Variants in TRPC7 observed in about 807,000 individuals in gnomAD.
The protein encoded by TRPC7 is transient receptor potential cation channel subfamily C member 7.
A neutral mutation model predicts 90.1 loss-of-function variants in TRPC7; 42 were observed. The observed-to-expected ratio is 0.47, with a 90% confidence interval of 0.36 to 0.60. The LOEUF (loss-of-function observed/expected upper bound fraction) is 0.60, where lower values mean the gene tolerates loss of function less well. Among genes scored for constraint, TRPC7 ranks in the 20% least tolerant of loss-of-function variants. TRPC7 has a pLI of 0.00. For missense variants in TRPC7, 955 were observed against 1,112.3 expected (o/e 0.86, Z 2.01); for synonymous variants, 451 against 436.3 (o/e 1.03, Z -0.42).
chr5:136,319,508 ACTACT>A (rs1444243743), intron 2 of TRPC7, among the ~76,000 whole-genome samples: 1 of 152,094 alleles, frequency 6.6e-6, no homozygotes, highest in African/African-American at 2.4e-5. Context: ...CCCTTCAATG[ACTACT>A]CTAATTTTCT....
At chr5:136,337,439 G>A (rs928808117) in intron 2 of TRPC7, among the ~76,000 whole-genome samples, 35 of 152,168 alleles carry the variant, frequency 2.3e-4, no homozygotes, top group Non-Finnish European at 4.1e-4. Flanking sequence ...AAGCCAAGGT[G>A]GGCGGATCCT....
chr5:136,351,194 G>A (rs558363646), intron 2 of TRPC7, among the ~76,000 whole-genome samples: 51 of 152,166 alleles, frequency 3.4e-4, no homozygotes, highest in Non-Finnish European at 6.9e-4. Context: ...ATGTGGAACC[G>A]TGGATAGATA....
Position 136,255,513 on chromosome 5 carries a change from T to C in TRPC7, c.1346-3631A>G, listed in dbSNP as rs79546839. 7.5e-3 allele frequency among the ~76,000 whole-genome samples: 1,135 copies of C among 152,330 alleles called. 19 individuals carry two copies. The highest frequency in any genetic ancestry group is 0.026 in the African/African-American group (1,092 of 41,560). ...CTCACTTTTTTTAGACATGATGCTG[T>C]TGCACGTTTAATAGACCACAGTATA... On this transcript the variant is annotated intron_variant, in intron 5 of 11. Coordinates refer to ENST00000513104, the MANE Select transcript of TRPC7 (RefSeq NM_020389.3).
chr5:136,285,451 C>T (rs1580900146), intron 3 of TRPC7, among the ~76,000 whole-genome samples: 1 of 152,308 alleles, frequency 6.6e-6, no homozygotes, highest in African/African-American at 2.4e-5. Flanking sequence ...GTCCAGTATT[C>T]TGTTTGCAGC....
At chr5:136,352,388 T>C (rs1760219957) in intron 2 of TRPC7, among the ~76,000 whole-genome samples, 1 of 152,084 alleles carries the variant, frequency 6.6e-6, no homozygotes, top group Non-Finnish European at 1.5e-5. Flanking sequence ...ATAAAATGCA[T>C]AGACAAAATG....
chr5:136,304,946 A>G (rs913289955), intron 3 of TRPC7, among the ~76,000 whole-genome samples: 3 of 152,210 alleles, frequency 2.0e-5, no homozygotes, highest in Non-Finnish European at 4.4e-5. Context: ...CCTAGCCCTC[A>G]TGTCTGCGTA....
chr5:136,296,566 G>A (rs1758179056), intron 3 of TRPC7, among the ~76,000 whole-genome samples: 1 of 152,108 alleles, frequency 6.6e-6, no homozygotes, highest in Non-Finnish European at 1.5e-5. Context: ...TCTCATGCTA[G>A]CATCAACAAA....
At chr5:136,264,259 T>G (rs1756953756) in intron 5 of TRPC7, among the ~76,000 whole-genome samples, 1 of 152,170 alleles carries the variant, frequency 6.6e-6, no homozygotes, top group South Asian at 2.1e-4. Context: ...GTTCCATTAA[T>G]AGCAGCCACA....
At position 136,247,876 on chromosome 5, in the gene TRPC7, G is replaced by C; in HGVS notation, c.1580-141C>G. ...CTTAAATTAATCCCAATATCCAGAAGTTGCCACCCTCCCTCTTGGAATGTG... is the reference window on the plus strand; with the variant it reads ...CTTAAATTAATCCCAATATCCAGAACTTGCCACCCTCCCTCTTGGAATGTG... On this transcript the variant is annotated intron_variant, in intron 6 of 11. Transcript: ENST00000513104. The surrounding 1 kb of genome is among the most constrained non-coding windows in gnomAD (Gnocchi z 4.2). 9.7e-7 allele frequency: 1 copy of C among 1,029,484 alleles called. No homozygotes were observed. Among genetic ancestry groups the C allele is most frequent in the South Asian group, 1.7e-5 (1 of 58,692 alleles). The allele number at this position is 1,029,484 out of a possible 1,614,324, so 63.8% of individuals were successfully genotyped here.
At chr5:136,288,542 A>G (rs1757812916) in intron 3 of TRPC7, among the ~76,000 whole-genome samples, 1 of 151,928 alleles carries the variant, frequency 6.6e-6, no homozygotes. Context: ...GAATTTGTCC[A>G]GTACTTACTA....
chr5:136,225,151 T>G, intron 10 of TRPC7, 123 bp downstream of exon 10: 1 of 838,454 alleles, frequency 1.2e-6, no homozygotes, highest in Non-Finnish European at 1.9e-6. Flanking sequence ...CAATAAATAT[T>G]TGTACAATAA....
At position 136,355,804 on chromosome 5, in the gene TRPC7, G is replaced by GA. The variant is rs200907040; in HGVS notation, c.780+803dup. 2.5e-3 allele frequency among the ~76,000 whole-genome samples: 381 copies of GA among 150,616 alleles called. 2 individuals carry two copies. The highest frequency in any genetic ancestry group is 4.4e-3 in the Admixed American group (67 of 15,176). On this transcript the variant is annotated intron_variant, in intron 2 of 11. Transcript: ENST00000513104. ...CAGTGCAAGACTCTGCCTCAAAAAG[G>GA]AAAAAAAAATTGCTCTTATTATTAT... is the stretch of plus-strand genomic sequence containing the variant.
At chr5:136,314,750 A>G (rs1230464435) in intron 3 of TRPC7, among the ~76,000 whole-genome samples, 1 of 152,210 alleles carries the variant, frequency 6.6e-6, no homozygotes, top group Non-Finnish European at 1.5e-5. Flanking sequence ...TTCAGTTTTG[A>G]TCAGGTGAAA....
In TRPC7 at chr5:136,315,592, C is replaced by T; in HGVS notation, c.963+5G>A. 1 of 1,613,412 alleles carries T rather than the reference C, an allele frequency of 6.2e-7. No individual in the cohort carries two copies. The stretch of plus-strand genomic sequence containing the variant: ...GGGAAGACCAGGAGAGATGGGGGAG[C>T]TTACCTTCTTGACTTCATATTTAAT... On this transcript the variant is annotated splice_donor_5th_base_variant and intron_variant, in intron 3 of 11. Transcript: ENST00000513104.
Position 136,329,533 on chromosome 5 carries a change from C to G in TRPC7, c.781-13754G>C, listed in dbSNP as rs139096491. Among the ~76,000 whole-genome samples, 411 of 152,092 alleles carry G rather than the reference C, an allele frequency of 2.7e-3. 2 individuals are homozygous for G. Among genetic ancestry groups the G allele is most frequent in the Non-Finnish European group, 4.7e-3 (317 of 67,998 alleles). On this transcript the variant is annotated intron_variant, in intron 2 of 11. Coordinates refer to ENST00000513104, the MANE Select transcript of TRPC7 (RefSeq NM_020389.3). ...AGACCTGAGGATGAACAGAAGCTAG[C>G]AGGGGTAAACAGGTATGAGGAGAGG...
At chr5:136,328,245 GC>G (rs1409775383) in intron 2 of TRPC7, among the ~76,000 whole-genome samples, 1 of 152,174 alleles carries the variant, frequency 6.6e-6, no homozygotes, top group Non-Finnish European at 1.5e-5. Context: ...CCAGGGTTCT[GC>G]CCCAAGGGTA....
intron 3 of TRPC7, among the ~76,000 whole-genome samples, chr5:136,278,187 T>C (rs1023789613): frequency 2.0e-5 from 3 of 152,240 alleles, no homozygotes; most frequent in Non-Finnish European, 4.4e-5. Flanking sequence ...TTCTCTCAAG[T>C]AATTCTTAGT....
chr5:136,285,427 T>C (rs1318291327), intron 3 of TRPC7, among the ~76,000 whole-genome samples: 2 of 152,188 alleles, frequency 1.3e-5, no homozygotes, highest in African/African-American at 4.8e-5. Context: ...TGGACAATGA[T>C]AATTTATTGC....
chr5:136,347,780 G>A (rs2149856149), intron 2 of TRPC7, among the ~76,000 whole-genome samples: 1 of 152,332 alleles, frequency 6.6e-6, no homozygotes, highest in Admixed American at 6.5e-5. Context: ...TCTTACAGGA[G>A]AAGTTAAAGA....
Sources: allele counts gnomAD v4.1 joint callset (sites outside exome capture counted in the v4.1 genomes callset), GRCh38; gene constraint gnomAD v4.1.1; non-coding constraint Gnocchi (gnomAD v3.1); transcripts MANE v1.5; gene names NCBI Gene and HGNC (gene_info 2026-07-23, HGNC 2026-07-21).